Variants in H4C6 observed in about 807,000 individuals in gnomAD.
The protein encoded by H4C6 is H4 clustered histone 6.
A neutral mutation model predicts 5.7 loss-of-function variants in H4C6; 8 were observed. The ratio of observed to expected loss-of-function variants is 1.41; its 90% CI spans 0.82 to 2.54. H4C6 has a LOEUF of 2.54. Among genes scored for constraint, H4C6 ranks in the 30% most tolerant of loss-of-function variants. H4C6 has a pLI of 0.00. For synonymous variants in H4C6, 124 were observed against 57.0 expected (o/e 2.18, Z -5.30); for missense variants, 230 against 145.9 (o/e 1.58, Z -2.97).
Position 26,240,729 on chromosome 6 carries a change from G to T in H4C6, c.304G>T (p.Gly102Cys), listed in dbSNP as rs1232993832. The T allele has an allele frequency of 8.2e-6, 13 of 1,576,604 alleles. No individual in the cohort carries two copies. Among genetic ancestry groups the T allele is most frequent in the African/African-American group, 1.3e-5 (1 of 74,306 alleles). The change falls in exon 1 of 1, where the codon GGT becomes TGT. Residue 102 changes from glycine (G) to cysteine (C), a missense_variant. Gly to Cys is a radical substitution (Grantham distance 159). Transcript: ENST00000244537. ...CCAGGGACGCACTCTGTACGGCTTTGGTGGCTGAGCCTCACCCCGGCTTTT... is the reference window on the plus strand; with the variant it reads ...CCAGGGACGCACTCTGTACGGCTTTTGTGGCTGAGCCTCACCCCGGCTTTT... The part of the protein sequence containing the change: ...KRQGRTLYGF[G>C]G
Position 26,240,760 on chromosome 6 carries a change from A to T in H4C6, c.*23A>T, listed in dbSNP as rs1561755850. The T allele has an allele frequency of 6.5e-7, 1 of 1,538,434 alleles. No individual in the cohort carries two copies. Among genetic ancestry groups the T allele is most frequent in the Non-Finnish European group, 8.8e-7 (1 of 1,140,830 alleles). ...TGAGCCTCACCCCGGCTTTTTATTT[A>T]ACAGCTCACCCATAAAAGGCCCTTT... On this transcript the variant is annotated 3_prime_UTR_variant, in exon 1 of 1. Coordinates refer to ENST00000244537, the MANE Select transcript of H4C6 (RefSeq NM_003540.4).
At position 26,240,432 on chromosome 6, in the gene H4C6, G is replaced by A. The variant is rs764720536; in HGVS notation, c.7G>A (p.Gly3Ser). The A allele has an allele frequency of 3.8e-6, 6 of 1,561,524 alleles. No homozygotes were observed. In the Admixed American group the frequency reaches 5.5e-5, roughly 14 times the overall value. Residue 3 changes from glycine to serine, a missense_variant, in exon 1 of 1, where the codon GGT becomes AGT. By Grantham distance (56) the Gly-to-Ser change is moderately conservative. Coordinates refer to ENST00000244537, the MANE Select transcript of H4C6 (RefSeq NM_003540.4). The stretch of plus-strand genomic sequence containing the variant: ...TTGTTGTTTGTCTTCGATCATGTCT[G>A]GTAGAGGCAAAGGTGGTAAAGGTTT... MS[G>S]RGKGGKGLGK...
Position 26,240,717 on chromosome 6 carries a change from CTGT to C in H4C6, c.293_295del (p.Leu98_Tyr99delinsHis). On this transcript the variant is annotated inframe_deletion, in exon 1 of 1. Transcript: ENST00000244537. ...CGCGCTCAAGCGCCAGGGACGCACT[CTGT>C]ACGGCTTTGGTGGCTGAGCCTCACC... is the stretch of plus-strand genomic sequence containing the variant. 6.3e-7 allele frequency: 1 copy of C among 1,596,114 alleles called. No homozygotes were observed.
rs752898898 is a variant in H4C6, at chr6:26,240,630, G to C, written c.205G>C (p.Asp69His). ...LKVFLENVIR[D>H]AVTYTEHAKR... ...GGTGTTCCTGGAGAATGTGATACGGGACGCCGTAACCTACACGGAGCACGC... is the reference window on the plus strand; with the variant it reads ...GGTGTTCCTGGAGAATGTGATACGGCACGCCGTAACCTACACGGAGCACGC... Residue 69 changes from aspartate (D) to histidine (H), a missense_variant, in exon 1 of 1, where the codon GAC becomes CAC. By Grantham distance (81) the Asp-to-His change is moderately conservative. Coordinates refer to ENST00000244537, the MANE Select transcript of H4C6 (RefSeq NM_003540.4). The C allele has an allele frequency of 6.2e-7, 1 of 1,613,602 alleles. No individual in the cohort carries two copies. The highest frequency in any genetic ancestry group is 1.1e-5 in the South Asian group (1 of 91,038).
rs938094160 is a variant in H4C6, at chr6:26,240,750, C to A, written c.*13C>A. ...CTTTGGTGGCTGAGCCTCACCCCGGCTTTTTATTTAACAGCTCACCCATAA... is the reference window on the plus strand; with the variant it reads ...CTTTGGTGGCTGAGCCTCACCCCGGATTTTTATTTAACAGCTCACCCATAA... On this transcript the variant is annotated 3_prime_UTR_variant, in exon 1 of 1. Transcript: ENST00000244537. 4.5e-6 allele frequency: 7 copies of A among 1,543,432 alleles called. No individual in the cohort carries two copies. The African/African-American group carries it at 8.2e-5, about 18-fold the overall frequency.
chr6:26,240,750 C>G lies in H4C6; in HGVS notation c.*13C>G, dbSNP rs938094160. ...CTTTGGTGGCTGAGCCTCACCCCGG[C>G]TTTTTATTTAACAGCTCACCCATAA... On this transcript the variant is annotated 3_prime_UTR_variant, in exon 1 of 1. Coordinates refer to ENST00000244537, the MANE Select transcript of H4C6 (RefSeq NM_003540.4). 3 of 1,543,550 alleles carry G rather than the reference C, an allele frequency of 1.9e-6. No homozygotes were observed. Among genetic ancestry groups the G allele is most frequent in the Non-Finnish European group, 2.6e-6 (3 of 1,143,670 alleles).
Position 26,240,608 on chromosome 6 carries a change from G to C in H4C6, c.183G>C (p.Val61=), listed in dbSNP as rs775521933. 3.7e-6 allele frequency: 6 copies of C among 1,614,104 alleles called. No homozygotes were observed. The highest frequency in any genetic ancestry group is 5.1e-6 in the Non-Finnish European group (6 of 1,180,032). ...AGGAGACCCGCGGTGTTCTTAAGGTGTTCCTGGAGAATGTGATACGGGACG... is the reference window on the plus strand; with the variant it reads ...AGGAGACCCGCGGTGTTCTTAAGGTCTTCCTGGAGAATGTGATACGGGACG... ...IYEETRGVLK[V]FLENVIRDAV... is the part of the protein sequence containing the mutation. The change falls in exon 1 of 1, where the codon GTG becomes GTC. Residue 61 remains valine, a synonymous_variant. Coordinates refer to ENST00000244537, the MANE Select transcript of H4C6 (RefSeq NM_003540.4).
rs757063355 is a variant in H4C6 at position 26,240,439 on chromosome 6, G to A, written c.14G>A (p.Gly5Asp). MSGRGKGGKGLGKGG... is the reference protein window; with the variant it reads MSGRDKGGKGLGKGG... ...TTGTCTTCGATCATGTCTGGTAGAGGCAAAGGTGGTAAAGGTTTAGGAAAG... is the reference window on the plus strand; with the variant it reads ...TTGTCTTCGATCATGTCTGGTAGAGACAAAGGTGGTAAAGGTTTAGGAAAG... The change falls in exon 1 of 1, where the codon GGC becomes GAC. Residue 5 changes from glycine to aspartate, a missense_variant. Coordinates refer to ENST00000244537, the MANE Select transcript of H4C6 (RefSeq NM_003540.4). 18 of 1,570,922 alleles carry A rather than the reference G, an allele frequency of 1.1e-5. No homozygotes were observed. Among genetic ancestry groups the A allele is most frequent in the South Asian group, 7.1e-5 (6 of 84,996 alleles).
chr6:26,240,548 C>T lies in H4C6; in HGVS notation c.123C>T (p.Arg41=), dbSNP rs931218451. Residue 41 remains arginine, a synonymous_variant, in exon 1 of 1, where the codon CGC becomes CGT. Coordinates refer to ENST00000244537, the MANE Select transcript of H4C6 (RefSeq NM_003540.4). ...CCGCCATCCGTCGCTTGGCCCGACG[C>T]GGCGGCGTGAAACGCATTTCGGGCC... ...TKPAIRRLAR[R]GGVKRISGLI... is the part of the protein sequence containing the mutation. 4 of 1,614,140 alleles carry T rather than the reference C, an allele frequency of 2.5e-6. No homozygotes were observed. The South Asian group carries it at 3.3e-5, about 13-fold the overall frequency.
chr6:26,240,773 T>C lies in H4C6; in HGVS notation c.*36T>C, dbSNP rs763805265. The C allele has an allele frequency of 6.6e-7, 1 of 1,514,256 alleles. No homozygotes were observed. Among genetic ancestry groups the C allele is most frequent in the Non-Finnish European group, 8.9e-7 (1 of 1,126,874 alleles). The allele number at this position is 1,514,256 out of a possible 1,614,324, so 93.8% of individuals were successfully genotyped here. A position where few individuals can be genotyped will look rare whatever the true frequency, so the allele number is the denominator to read the frequency against. On this transcript the variant is annotated 3_prime_UTR_variant, in exon 1 of 1. Coordinates refer to ENST00000244537, the MANE Select transcript of H4C6 (RefSeq NM_003540.4). ...GGCTTTTTATTTAACAGCTCACCCA[T>C]AAAAGGCCCTTTTCAGGGCCACCTC...
At position 26,240,582 on chromosome 6, in the gene H4C6, G is replaced by A. The variant is rs1759869991; in HGVS notation, c.157G>A (p.Glu53Lys). The A allele has an allele frequency of 6.2e-7, 1 of 1,614,140 alleles. No homozygotes were observed. Among genetic ancestry groups the A allele is most frequent in the South Asian group, 1.1e-5 (1 of 91,096 alleles). Reference sequence around the variant, plus strand: ...GAAACGCATTTCGGGCCTCATTTATGAGGAGACCCGCGGTGTTCTTAAGGT... The same window carrying A: ...GAAACGCATTTCGGGCCTCATTTATAAGGAGACCCGCGGTGTTCTTAAGGT... ...GVKRISGLIY[E>K]ETRGVLKVFL... Residue 53 changes from glutamate (E) to lysine (K), a missense_variant, in exon 1 of 1, where the codon GAG (glutamate) becomes AAG (lysine). Coordinates refer to ENST00000244537, the MANE Select transcript of H4C6 (RefSeq NM_003540.4).
At position 26,240,665 on chromosome 6, in the gene H4C6, G is replaced by A. The variant is rs776494576; in HGVS notation, c.240G>A (p.Lys80=). 8 of 1,613,000 alleles carry A rather than the reference G, an allele frequency of 5.0e-6. No individual in the cohort carries two copies. Among genetic ancestry groups the A allele is most frequent in the Admixed American group, 3.3e-5 (2 of 60,002 alleles). ...CCTACACGGAGCACGCCAAGCGTAAGACAGTCACTGCAATGGATGTTGTCT... is the reference window on the plus strand; with the variant it reads ...CCTACACGGAGCACGCCAAGCGTAAAACAGTCACTGCAATGGATGTTGTCT... ...AVTYTEHAKR[K]TVTAMDVVYA... The change falls in exon 1 of 1, where the codon AAG becomes AAA. Residue 80 remains lysine, a synonymous_variant. Coordinates refer to ENST00000244537, the MANE Select transcript of H4C6 (RefSeq NM_003540.4).
Position 26,240,644 on chromosome 6 carries a change from C to T in H4C6, c.219C>T (p.Tyr73=), listed in dbSNP as rs1759872465. 9 of 1,614,060 alleles carry T rather than the reference C, an allele frequency of 5.6e-6. No homozygotes were observed. Among genetic ancestry groups the T allele is most frequent in the Non-Finnish European group, 7.6e-6 (9 of 1,179,916 alleles). ...ATGTGATACGGGACGCCGTAACCTACACGGAGCACGCCAAGCGTAAGACAG... is the reference window on the plus strand; with the variant it reads ...ATGTGATACGGGACGCCGTAACCTATACGGAGCACGCCAAGCGTAAGACAG... ...LENVIRDAVT[Y]TEHAKRKTVT... The change falls in exon 1 of 1, where the codon TAC becomes TAT. Residue 73 remains tyrosine, a synonymous_variant. Transcript: ENST00000244537.
chr6:26,240,429 T>C lies in H4C6; in HGVS notation c.4T>C (p.Ser2Pro), dbSNP rs777755789. Residue 2 changes from serine to proline, a missense_variant, in exon 1 of 1, where the codon TCT (serine) becomes CCT (proline). Transcript: ENST00000244537. ...GAGTTGTTGTTTGTCTTCGATCATGTCTGGTAGAGGCAAAGGTGGTAAAGG... is the reference window on the plus strand; with the variant it reads ...GAGTTGTTGTTTGTCTTCGATCATGCCTGGTAGAGGCAAAGGTGGTAAAGG... The part of the protein sequence containing the change: M[S>P]GRGKGGKGLG... 5 of 1,558,448 alleles carry C rather than the reference T, an allele frequency of 3.2e-6. No individual in the cohort carries two copies. The highest frequency in any genetic ancestry group is 4.4e-6 in the Non-Finnish European group (5 of 1,148,506).
chr6:26,240,454 G>A lies in H4C6; in HGVS notation c.29G>A (p.Gly10Asp), dbSNP rs567515454. Residue 10 changes from glycine (G) to aspartate (D), a missense_variant, in exon 1 of 1, where the codon GGT (glycine) becomes GAT (aspartate). By Grantham distance (94) the Gly-to-Asp change is moderately conservative. Coordinates refer to ENST00000244537, the MANE Select transcript of H4C6 (RefSeq NM_003540.4). ...TCTGGTAGAGGCAAAGGTGGTAAAG[G>A]TTTAGGAAAGGGAGGCGCCAAGCGC... The part of the protein sequence containing the change: MSGRGKGGK[G>D]LGKGGAKRHR... 2.5e-6 allele frequency: 4 copies of A among 1,588,674 alleles called. No individual in the cohort carries two copies. The highest frequency in any genetic ancestry group is 2.3e-5 in the South Asian group (2 of 87,702).
chr6:26,240,708 G>A lies in H4C6; in HGVS notation c.283G>A (p.Gly95Arg). 6.2e-7 allele frequency: 1 copy of A among 1,602,028 alleles called. No individual in the cohort carries two copies. Among genetic ancestry groups the A allele is most frequent in the Non-Finnish European group, 8.5e-7 (1 of 1,172,910 alleles). The change falls in exon 1 of 1, where the codon GGA (glycine) becomes AGA (arginine). Residue 95 changes from glycine (G) to arginine (R), a missense_variant. By Grantham distance (125) the Gly-to-Arg change is moderately radical (BLOSUM62 -2). Transcript: ENST00000244537. ...TGTTGTCTACGCGCTCAAGCGCCAG[G>A]GACGCACTCTGTACGGCTTTGGTGG... ...MDVVYALKRQ[G>R]RTLYGFGG
Position 26,240,541 on chromosome 6 carries a change from C to G in H4C6, c.116C>G (p.Ala39Gly). Residue 39 changes from alanine to glycine, a missense_variant, in exon 1 of 1, where the codon GCC becomes GGC. Coordinates refer to ENST00000244537, the MANE Select transcript of H4C6 (RefSeq NM_003540.4). Reference sequence around the variant, plus strand: ...ACGAAGCCCGCCATCCGTCGCTTGGCCCGACGCGGCGGCGTGAAACGCATT... The same window carrying G: ...ACGAAGCCCGCCATCCGTCGCTTGGGCCGACGCGGCGGCGTGAAACGCATT... ...GITKPAIRRL[A>G]RRGGVKRISG... 1 of 1,614,100 alleles carries G rather than the reference C, an allele frequency of 6.2e-7. No individual in the cohort carries two copies. The highest frequency in any genetic ancestry group is 8.5e-7 in the Non-Finnish European group (1 of 1,179,912).
In H4C6 at chr6:26,240,420, T is replaced by G. The variant is rs771311725; in HGVS notation, c.-6T>G. ...AAAAGTTAAGAGTTGTTGTTTGTCT[T>G]CGATCATGTCTGGTAGAGGCAAAGG... On this transcript the variant is annotated 5_prime_UTR_variant, in exon 1 of 1. Coordinates refer to ENST00000244537, the MANE Select transcript of H4C6 (RefSeq NM_003540.4). 1.3e-6 allele frequency: 2 copies of G among 1,537,536 alleles called. No homozygotes were observed. The highest frequency in any genetic ancestry group is 1.8e-6 in the Non-Finnish European group (2 of 1,139,322).
chr6:26,240,653 C>G lies in H4C6; in HGVS notation c.228C>G (p.His76Gln). 3 of 1,613,798 alleles carry G rather than the reference C, an allele frequency of 1.9e-6. No homozygotes were observed. Among genetic ancestry groups the G allele is most frequent in the Non-Finnish European group, 1.7e-6 (2 of 1,179,716 alleles). The change falls in exon 1 of 1, where the codon CAC (histidine) becomes CAG (glutamine). Residue 76 changes from histidine (H) to glutamine (Q), a missense_variant. Coordinates refer to ENST00000244537, the MANE Select transcript of H4C6 (RefSeq NM_003540.4). Reference protein sequence around the residue: ...VIRDAVTYTEHAKRKTVTAMD... With the variant: ...VIRDAVTYTEQAKRKTVTAMD... ...GGGACGCCGTAACCTACACGGAGCA[C>G]GCCAAGCGTAAGACAGTCACTGCAA...
Sources: gnomAD v4.1 joint callset for allele counts on GRCh38, gnomAD v4.1.1 for gene constraint, MANE v1.5 for transcripts, NCBI Gene and HGNC (gene_info 2026-07-23, HGNC 2026-07-21) for gene names.